The following CALN1 variants were observed in gnomAD, a reference collection of about 807,000 sequenced individuals.
CALN1 encodes calcium-binding protein 8.
Under a neutral mutation model 30.6 loss-of-function variants are expected in CALN1, and 17 were observed. The ratio of observed to expected loss-of-function variants is 0.56; its 90% CI spans 0.38 to 0.83. CALN1 has a LOEUF of 0.83. CALN1 is among the 40% of genes least tolerant of loss of function. The pLI, the probability that CALN1 is intolerant of heterozygous loss-of-function variation, is 0.00. For missense variants in CALN1, 291 were observed against 354.9 expected (o/e 0.82, Z 1.45); for synonymous variants, 156 against 131.4 (o/e 1.19, Z -1.28).
intron 3 of CALN1, among the ~76,000 whole-genome samples, chr7:72,181,547 C>T (rs1371451622): frequency 6.6e-6 from 1 of 150,598 alleles, no homozygotes; most frequent in South Asian, 2.1e-4. Context: ...GGCATGGTCT[C>T]GGCTCATTGC....
At chr7:72,145,480 T>C (rs936621778) in intron 3 of CALN1, among the ~76,000 whole-genome samples, 1 of 152,120 alleles carries the variant, frequency 6.6e-6, no homozygotes, top group African/African-American at 2.4e-5. Flanking sequence ...CAATAATTAA[T>C]AGCCTACCAA....
upstream of CALN1, among the ~76,000 whole-genome samples, chr7:72,413,128 C>T (rs1014797857): frequency 4.6e-5 from 7 of 152,120 alleles, no homozygotes; most frequent in East Asian, 1.3e-3. Flanking sequence ...CACACATACA[C>T]TCTTACACGT....
In CALN1 at chr7:72,380,879, C is replaced by T. The variant is rs139821379; in HGVS notation, c.119+22372G>A. 2.8e-4 allele frequency among the ~76,000 whole-genome samples: 42 copies of T among 152,204 alleles called. No homozygotes were observed. The East Asian group carries it at 8.1e-3, about 29-fold the overall frequency. ...AACAAGTAAATTTTAGAAACCATGT[C>T]GATGGGGTCACCCTAAAAGGATGCA... On this transcript the variant is annotated intron_variant, in intron 2 of 6. Coordinates refer to ENST00000395275, the MANE Select transcript of CALN1 (RefSeq NM_031468.4).
chr7:72,014,177 C>A (rs935810903), intron 5 of CALN1, among the ~76,000 whole-genome samples: 4 of 151,592 alleles, frequency 2.6e-5, no homozygotes, highest in Admixed American at 2.0e-4. Flanking sequence ...GCCTCCGTCC[C>A]CTGGGCTCCG....
intron 5 of CALN1, among the ~76,000 whole-genome samples, chr7:71,878,735 G>A (rs972852746): frequency 1.4e-4 from 21 of 152,182 alleles, no homozygotes; most frequent in African/African-American, 4.8e-4. Flanking sequence ...CATCTGCCAC[G>A]TCCAGAGAGC....
chr7:71,950,801 G>A (rs1236449794), intron 5 of CALN1, among the ~76,000 whole-genome samples: 2 of 152,104 alleles, frequency 1.3e-5, no homozygotes, highest in Admixed American at 1.3e-4. Flanking sequence ...CAGCCAGACT[G>A]GCTTTCTTAA....
intron 5 of CALN1, among the ~76,000 whole-genome samples, chr7:71,832,175 G>A (rs1789329236): frequency 6.6e-6 from 1 of 152,010 alleles, no homozygotes; most frequent in South Asian, 2.1e-4. Flanking sequence ...TGTCATGTAG[G>A]CTTTTAGGCT....
the CALN1 span, among the ~76,000 whole-genome samples, chr7:72,494,099 G>A: frequency 6.8e-6 from 1 of 147,354 alleles, no homozygotes; most frequent in Non-Finnish European, 1.5e-5. Context: ...GCTGATGCAG[G>A]AGAATCGCTA....
At chr7:72,048,066 G>A (rs1584823320) in intron 4 of CALN1, among the ~76,000 whole-genome samples, 1 of 141,578 alleles carries the variant, frequency 7.1e-6, no homozygotes, top group East Asian at 2.0e-4. Flanking sequence ...TTGAGACAGA[G>A]TCTTGCTCAG....
chr7:72,449,266 G>A (rs559611574), upstream of CALN1, among the ~76,000 whole-genome samples: 58 of 152,310 alleles, frequency 3.8e-4, no homozygotes, highest in South Asian at 3.3e-3. Flanking sequence ...TGGCAGATGC[G>A]GACGGCGCAC....
intron 2 of CALN1, among the ~76,000 whole-genome samples, chr7:72,305,185 C>T (rs1289358910): frequency 6.6e-6 from 1 of 152,154 alleles, no homozygotes; most frequent in African/African-American, 2.4e-5. Flanking sequence ...TGGGACTGGC[C>T]CCCAGAGAAC....
intron 3 of CALN1, among the ~76,000 whole-genome samples, chr7:72,112,757 A>T (rs958551198): frequency 3.2e-4 from 49 of 152,338 alleles, no homozygotes; most frequent in Non-Finnish European, 6.2e-4. Flanking sequence ...TAAGTAGCAA[A>T]AGAAACTTTC....
chr7:72,146,722 T>C (rs944999857), intron 3 of CALN1, among the ~76,000 whole-genome samples: 2 of 152,154 alleles, frequency 1.3e-5, no homozygotes, highest in Non-Finnish European at 2.9e-5. Flanking sequence ...CAAACTATAC[T>C]ACAAGGCTAC....
At chr7:71,869,377 A>G (rs865960098) in intron 5 of CALN1, among the ~76,000 whole-genome samples, 11 of 151,980 alleles carry the variant, frequency 7.2e-5, no homozygotes, top group African/African-American at 2.7e-4. Flanking sequence ...TGCCTGGCTA[A>G]TTTTTTGTGT....
intron 3 of CALN1, among the ~76,000 whole-genome samples, chr7:72,246,868 C>T (rs1436480548): frequency 6.6e-6 from 1 of 150,756 alleles, no homozygotes; most frequent in African/African-American, 2.4e-5. Context: ...AGTTCTCATG[C>T]CTCAGCCTCC....
chr7:72,044,549 G>C (rs887046344), intron 4 of CALN1, among the ~76,000 whole-genome samples: 1 of 150,418 alleles, frequency 6.6e-6, no homozygotes, highest in Non-Finnish European at 1.5e-5. Flanking sequence ...TATCTACTCC[G>C]ACGGTTGCAG....
At chr7:72,392,247 T>C (rs1172369825) in intron 2 of CALN1, among the ~76,000 whole-genome samples, 1 of 152,200 alleles carries the variant, frequency 6.6e-6, no homozygotes, top group African/African-American at 2.4e-5. Flanking sequence ...TCTGCGTTTC[T>C]CCAACAGAGG....
intron 5 of CALN1, among the ~76,000 whole-genome samples, chr7:71,811,779 A>G (rs1787977850): frequency 6.6e-6 from 1 of 151,588 alleles, no homozygotes; most frequent in Non-Finnish European, 1.5e-5. Context: ...CCCGGGTTCA[A>G]GCAATTCTCC....
chr7:72,364,108 T>C (rs982780096), intron 2 of CALN1, among the ~76,000 whole-genome samples: 1 of 151,708 alleles, frequency 6.6e-6, no homozygotes, highest in African/African-American at 2.4e-5. Flanking sequence ...ATTTGAAAAC[T>C]CTTCTAAGGG....
Sources: gnomAD v4.1 joint callset for allele counts (sites outside exome capture counted in the v4.1 genomes callset) on GRCh38, gnomAD v4.1.1 for gene constraint, MANE v1.5 for transcripts, NCBI Gene and HGNC (gene_info 2026-07-23, HGNC 2026-07-21) for gene names.